Variants in C22orf23 observed in about 807,000 individuals in gnomAD.
C22orf23 encodes the protein chromosome 22 open reading frame 23, also known as UPF0193 protein EVG1.
C22orf23 carries 30 observed loss-of-function variants against 29.7 expected under a neutral mutation model. That is an observed-to-expected ratio of 1.01 (90% CI 0.76 to 1.37). The LOEUF is 1.37. Ranked by LOEUF, C22orf23 falls within the 40% of genes most tolerant of loss-of-function variation. The pLI is 0.00. For synonymous variants in C22orf23, 90 were observed against 96.1 expected, an observed-to-expected ratio of 0.94 and a Z score of 0.37; for missense variants, 237 against 273.1, an observed-to-expected ratio of 0.87 and a Z score of 0.93.
intron 5 of C22orf23, 188 bp from the exon 6 acceptor site, chr22:37,944,705 C>T (rs1252377619): frequency 3.4e-6 from 2 of 584,734 alleles, no homozygotes; most frequent in Admixed American, 6.1e-5. Flanking sequence ...TCGAGACCAG[C>T]CTGACCAACA....
rs545161708 is a variant in C22orf23 at position 37,950,829 on chromosome 22, C to A, written c.166+631G>T. The A allele has an allele frequency of 4.3e-4, 65 of 152,414 alleles. 1 individual carries two copies. The South Asian group carries it at 0.013, about 31-fold the overall frequency. 9.4% of individuals were successfully genotyped at this position (152,414 alleles called of 1,614,324 possible). A position where few individuals can be genotyped will look rare whatever the true frequency, so the allele number is the denominator to read the frequency against. On this transcript the variant is annotated intron_variant, in intron 3 of 6. Coordinates refer to ENST00000403305, the MANE Select transcript of C22orf23 (RefSeq NM_032561.5). ...GCTGAGGCAGGAGAATTGCCTGAAC[C>A]CAGGAGGCGGAGGTTGTAGTGAGCC...
At chr22:37,946,122 G>A (rs889518540) in intron 4 of C22orf23, among the ~76,000 whole-genome samples, 10 of 152,108 alleles carry the variant, frequency 6.6e-5, no homozygotes, top group Admixed American at 1.3e-4. Context: ...AGCCCGGCGT[G>A]ATGGCAGGTG....
rs1930545345 is a variant in C22orf23 at position 37,944,080 on chromosome 22, T to C, written c.*95A>G. The C allele has an allele frequency of 8.6e-7, 1 of 1,157,618 alleles. No individual in the cohort carries two copies. The highest frequency in any genetic ancestry group is 1.5e-5 in the African/African-American group (1 of 66,150). The allele number at this position is 1,157,618 out of a possible 1,614,324, so 71.7% of individuals were successfully genotyped here. On this transcript the variant is annotated 3_prime_UTR_variant, in exon 7 of 7. Coordinates refer to ENST00000403305, the MANE Select transcript of C22orf23 (RefSeq NM_032561.5). ...GCCACCACCTGACGTGGCAGAAGGC[T>C]GGTAGGATGGGCTGGCCTGAGGATG...
intron 4 of C22orf23, among the ~76,000 whole-genome samples, chr22:37,945,910 G>A (rs1930672254): frequency 6.7e-6 from 1 of 149,400 alleles, no homozygotes; most frequent in African/African-American, 2.5e-5. Context: ...TCAGGAGTTC[G>A]AGACCAGCCC....
chr22:37,952,994 G>A, intron 2 of C22orf23, 53 bp downstream of exon 2: 3 of 1,373,346 alleles, frequency 2.2e-6, no homozygotes, highest in Non-Finnish European at 3.1e-6. Context: ...TGTCTTCCAC[G>A]AAACCGGTCC....
intron 3 of C22orf23, among the ~76,000 whole-genome samples, chr22:37,948,374 C>A (rs1040939453): frequency 6.6e-6 from 1 of 151,768 alleles, no homozygotes; most frequent in Non-Finnish European, 1.5e-5. Context: ...CACTTGAACC[C>A]AGGAGGTGGA....
intron 3 of C22orf23, among the ~76,000 whole-genome samples, chr22:37,949,739 G>A (rs907374270): frequency 7.2e-5 from 11 of 152,010 alleles, no homozygotes; most frequent in South Asian, 2.1e-4. Flanking sequence ...GATTACAGGC[G>A]TGAGCCACCG....
intron 4 of C22orf23, among the ~76,000 whole-genome samples, chr22:37,946,253 A>C (rs8135023): frequency 0.036 from 5,142 of 144,558 alleles, 297 homozygotes; most frequent in African/African-American, 0.13. Flanking sequence ...AGCAAGACTC[A>C]GTCTCAAAAA....
At position 37,947,377 on chromosome 22, in the gene C22orf23, G is replaced by T; in HGVS notation, c.253C>A (p.Pro85Thr). 1.9e-6 allele frequency: 3 copies of T among 1,613,882 alleles called. No homozygotes were observed. The highest frequency in any genetic ancestry group is 1.7e-6 in the Non-Finnish European group (2 of 1,179,902). ...SKQIASPIYL[P>T]PILAARPHLR... ...TGGGGACGGGCTGCGAGGATGGGAGGCAGGTAGATGGGCGAGGCTATTTGC... is the reference window on the plus strand; with the variant it reads ...TGGGGACGGGCTGCGAGGATGGGAGTCAGGTAGATGGGCGAGGCTATTTGC... Residue 85 changes from proline to threonine, a missense_variant, in exon 4 of 7, where the codon CCT (proline) becomes ACT (threonine). Physicochemically the swap from Pro to Thr is conservative, Grantham distance 38. Transcript: ENST00000403305.
At chr22:37,952,966 C>G in intron 2 of C22orf23, 81 bp downstream of exon 2, 1 of 977,198 alleles carries the variant, frequency 1.0e-6, no homozygotes, top group Non-Finnish European at 1.6e-6. Flanking sequence ...TTCCCCACAC[C>G]TCCGTCAGTG....
chr22:37,949,081 G>A (rs981418694), intron 3 of C22orf23, among the ~76,000 whole-genome samples: 16 of 152,028 alleles, frequency 1.1e-4, no homozygotes, highest in Admixed American at 2.6e-4. Flanking sequence ...CTATGGATGG[G>A]TTCCTAAAAC....
intron 3 of C22orf23, among the ~76,000 whole-genome samples, chr22:37,949,316 C>A (rs571816195): frequency 1.3e-5 from 2 of 150,952 alleles, no homozygotes; most frequent in Non-Finnish European, 3.0e-5. Flanking sequence ...CAGAGTCTCC[C>A]TCTGTTGCCC....
intron 5 of C22orf23, 71 bp from the exon 6 acceptor site, chr22:37,944,588 G>A (rs1930580676): frequency 7.5e-7 from 1 of 1,334,286 alleles, no homozygotes; most frequent in Non-Finnish European, 1.1e-6. Context: ...TTGAGGAGAG[G>A]AAGTGGTTCT....
chr22:37,945,217 G>T, intron 4 of C22orf23, 44 bp from the exon 5 acceptor site: 1 of 1,585,498 alleles, frequency 6.3e-7, no homozygotes, highest in Non-Finnish European at 8.6e-7. Context: ...TGTAAAGGGT[G>T]CCCTTATTCA....
chr22:37,949,162 T>TC (rs1930868137), intron 3 of C22orf23, among the ~76,000 whole-genome samples: 1 of 151,948 alleles, frequency 6.6e-6, no homozygotes, highest in East Asian at 1.9e-4. Context: ...CTGCTGTCCA[T>TC]CCCCCCGCTT....
At chr22:37,945,476 C>T (rs1350984512) in intron 4 of C22orf23, among the ~76,000 whole-genome samples, 1 of 151,082 alleles carries the variant, frequency 6.6e-6, no homozygotes, top group African/African-American at 2.4e-5. Flanking sequence ...TAGTGAGACC[C>T]CCATCTCTTT....
rs1240622825 is a variant in C22orf23, at chr22:37,953,080, T to A, written c.70A>T (p.Thr24Ser). The A allele has an allele frequency of 4.3e-6, 7 of 1,613,920 alleles. No individual in the cohort carries two copies. Among genetic ancestry groups the A allele is most frequent in the Non-Finnish European group, 5.9e-6 (7 of 1,179,946 alleles). The change falls in exon 2 of 7, where the codon ACT becomes TCT. Residue 24 changes from threonine (T) to serine (S), a missense_variant. Coordinates refer to ENST00000403305, the MANE Select transcript of C22orf23 (RefSeq NM_032561.5). The stretch of plus-strand genomic sequence containing the variant: ...AGCTCGCAGGTCCCCGGGGTGTAAG[T>A]GATGGTCTTGGGGCGGCGCCGGAAC... The part of the protein sequence containing the change: ...TGFRRRPKTI[T>S]YTPGTCELLR...
Position 37,953,116 on chromosome 22 carries a change from T to A in C22orf23, c.34A>T (p.Lys12Ter). Residue 12 changes from lysine to a stop codon, truncating the protein, a stop_gained, in exon 2 of 7, where the codon AAA (lysine) becomes TAA (stop). Coordinates refer to ENST00000403305, the MANE Select transcript of C22orf23 (RefSeq NM_032561.5). LOFTEE classifies it high-confidence loss of function. Reference protein sequence around the residue: ...ASQKQMEVVTKGTGFRRRPKT... With the variant: ...ASQKQMEVVT ...GGGCGGCGCCGGAACCCAGTTCCTTTGGTCACTACCTCCATCTGCTTCTGT... is the reference window on the plus strand; with the variant it reads ...GGGCGGCGCCGGAACCCAGTTCCTTAGGTCACTACCTCCATCTGCTTCTGT... The A allele has an allele frequency of 6.2e-7, 1 of 1,613,966 alleles. No individual in the cohort carries two copies. Among genetic ancestry groups the A allele is most frequent in the Non-Finnish European group, 8.5e-7 (1 of 1,179,944 alleles).
Position 37,951,525 on chromosome 22 carries a change from G to C in C22orf23, c.104-3C>G, listed in dbSNP as rs1405108208. On this transcript the variant is annotated splice_region_variant and splice_polypyrimidine_tract_variant and intron_variant, in intron 2 of 6. Coordinates refer to ENST00000403305, the MANE Select transcript of C22orf23 (RefSeq NM_032561.5). ...CAGTTTGGATTCCTTCATCATCACT[G>C]CACGACAAAGCATTCTATGAGGCCT... The C allele has an allele frequency of 3.1e-6, 5 of 1,613,600 alleles. No homozygotes were observed. The highest frequency in any genetic ancestry group is 4.2e-6 in the Non-Finnish European group (5 of 1,179,824).
Sources: gnomAD v4.1 joint callset for allele counts (sites outside exome capture counted in the v4.1 genomes callset) on GRCh38, gnomAD v4.1.1 for gene constraint, MANE v1.5 for transcripts, NCBI Gene and HGNC (gene_info 2026-07-23, HGNC 2026-07-21) for gene names.